Variants in MYO16 observed in about 807,000 individuals in gnomAD.
MYO16 encodes the protein myosin XVI.
MYO16 carries 94 observed loss-of-function variants against 205.3 expected under a neutral mutation model. The observed-to-expected ratio is 0.46, with a 90% CI of 0.39 to 0.54. The LOEUF (loss-of-function observed/expected upper bound fraction) is 0.54, where lower values mean the gene tolerates loss of function less well. MYO16 is among the 20% of genes least tolerant of loss of function. The pLI is 0.00. For synonymous variants in MYO16, 988 were observed against 954.0 expected, an observed-to-expected ratio of 1.04 and a Z score of -0.66; for missense variants, 2,315 against 2,387.5, an observed-to-expected ratio of 0.97 and a Z score of 0.63.
At chr13:108,746,734 C>T (rs377128129) in intron 4 of MYO16, among the ~76,000 whole-genome samples, 362 of 152,020 alleles carry the variant, frequency 2.4e-3, no homozygotes, top group Admixed American at 6.0e-3. Context: ...AATGGCCAAA[C>T]GCTTTCTGAA....
At chr13:109,081,327 C>A (rs1566496736) in intron 27 of MYO16, among the ~76,000 whole-genome samples, 1 of 152,166 alleles carries the variant, frequency 6.6e-6, no homozygotes, top group East Asian at 1.9e-4. Flanking sequence ...CTCTGAAGAC[C>A]TAAAAGCTTG....
intron 11 of MYO16, among the ~76,000 whole-genome samples, chr13:108,858,951 C>G (rs530623768): frequency 6.6e-6 from 1 of 152,240 alleles, no homozygotes; most frequent in East Asian, 1.9e-4. Context: ...AGGGCTTTGC[C>G]TGAGTAATTT....
chr13:108,529,633 A>T, the MYO16 span, among the ~76,000 whole-genome samples: 5 of 152,150 alleles, frequency 3.3e-5, no homozygotes, highest in African/African-American at 1.2e-4. Flanking sequence ...TTCACCTTGA[A>T]CCTGACAGTT....
At chr13:108,866,637 T>C (rs1406018492) in intron 12 of MYO16, among the ~76,000 whole-genome samples, 2 of 152,336 alleles carry the variant, frequency 1.3e-5, no homozygotes, top group South Asian at 2.1e-4. Context: ...AAGGGTAATA[T>C]TGCATGTTTA....
chr13:109,120,243 T>C (rs1875927068), intron 28 of MYO16, 127 bp from the exon 29 acceptor site: 1 of 632,628 alleles, frequency 1.6e-6, no homozygotes, highest in Admixed American at 3.0e-5. Flanking sequence ...ATCAGAGACA[T>C]GTACTCTAAT....
At chr13:109,099,335 A>G (rs567185652) in intron 27 of MYO16, among the ~76,000 whole-genome samples, 8 of 152,370 alleles carry the variant, frequency 5.3e-5, no homozygotes, top group African/African-American at 1.7e-4. Context: ...TTCGCAAAAA[A>G]CATAAAGCAA....
Position 108,961,592 on chromosome 13 carries a change from T to A in MYO16, c.2091T>A (p.Ile697=). 1 of 1,614,160 alleles carries A rather than the reference T, an allele frequency of 6.2e-7. No homozygotes were observed. The highest frequency in any genetic ancestry group is 8.5e-7 in the Non-Finnish European group (1 of 1,179,998). Residue 697 remains isoleucine (I), a synonymous_variant, in exon 18 of 35, where the codon ATT becomes ATA. Transcript: ENST00000457511. ...ILAAILHLGD[I]RFTALNEGNS... is the part of the protein sequence containing the mutation. Reference sequence around the variant, plus strand: ...CAGCAATATTGCACCTTGGAGACATTCGGTTTACTGCCCTGAATGAGGGGA... The same window carrying A: ...CAGCAATATTGCACCTTGGAGACATACGGTTTACTGCCCTGAATGAGGGGA...
chr13:109,085,728 AC>A (rs1171510638), intron 27 of MYO16, among the ~76,000 whole-genome samples: 1 of 152,188 alleles, frequency 6.6e-6, no homozygotes, highest in Admixed American at 6.5e-5. Context: ...AGGAGCACAT[AC>A]GCTTAGTGGG....
At chr13:109,088,137 T>C (rs751781252) in intron 27 of MYO16, among the ~76,000 whole-genome samples, 3 of 152,230 alleles carry the variant, frequency 2.0e-5, no homozygotes, top group African/African-American at 4.8e-5. Context: ...CATCGCAGTC[T>C]GGGTTCTCCA....
intron 16 of MYO16, among the ~76,000 whole-genome samples, chr13:108,931,437 C>T (rs1247078655): frequency 6.6e-6 from 1 of 152,168 alleles, no homozygotes; most frequent in Non-Finnish European, 1.5e-5. Context: ...ATTCTGAAAA[C>T]TCATCTTGAG....
At chr13:108,559,623 G>A in the MYO16 span, among the ~76,000 whole-genome samples, 1 of 151,402 alleles carries the variant, frequency 6.6e-6, no homozygotes, top group East Asian at 1.9e-4. Flanking sequence ...ACAGGCACCC[G>A]CCACCACGCC....
intron 4 of MYO16, among the ~76,000 whole-genome samples, chr13:108,769,577 T>G (rs1401881304): frequency 6.6e-6 from 1 of 152,112 alleles, no homozygotes; most frequent in African/African-American, 2.4e-5. Context: ...TGCAAAAGGT[T>G]TTGAGGTGGG....
chr13:108,944,117 G>A (rs866850760), intron 16 of MYO16, among the ~76,000 whole-genome samples: 2 of 152,104 alleles, frequency 1.3e-5, no homozygotes, highest in Admixed American at 6.6e-5. Context: ...ACTCTGTCTC[G>A]TCTAGATTTC....
chr13:109,023,104 A>G (rs1159977286), intron 23 of MYO16, among the ~76,000 whole-genome samples: 1 of 132,680 alleles, frequency 7.5e-6, no homozygotes, highest in Non-Finnish European at 1.5e-5. Flanking sequence ...ATGTTTATAT[A>G]TTGTATATAC....
chr13:108,744,961 C>T (rs532432737), intron 4 of MYO16, among the ~76,000 whole-genome samples: 1 of 152,210 alleles, frequency 6.6e-6, no homozygotes, highest in East Asian at 1.9e-4. Context: ...TTAATATTAA[C>T]AGTGATTAGA....
chr13:109,164,953 A>G lies in MYO16; in HGVS notation c.5217A>G (p.Glu1739=), dbSNP rs1278315657. Residue 1739 remains glutamate (E), a synonymous_variant, in exon 33 of 35, where the codon GAA becomes GAG. Coordinates refer to ENST00000457511, the MANE Select transcript of MYO16 (RefSeq NM_001198950.3). ...ISSRDDPSTS[E]ITSETQDRNA... ...GCCGAGATGACCCTAGTACGTCAGAAATTACTTCCGAGACTCAAGACAGAA... is the reference window on the plus strand; with the variant it reads ...GCCGAGATGACCCTAGTACGTCAGAGATTACTTCCGAGACTCAAGACAGAA... The G allele has an allele frequency of 8.1e-6, 13 of 1,608,816 alleles. No individual in the cohort carries two copies. The highest frequency in any genetic ancestry group is 1.0e-5 in the Non-Finnish European group (12 of 1,177,348).
At chr13:108,817,052 AT>A (rs1474742925) in intron 7 of MYO16, among the ~76,000 whole-genome samples, 1 of 152,182 alleles carries the variant, frequency 6.6e-6, no homozygotes, top group African/African-American at 2.4e-5. Context: ...CTATGACAAT[AT>A]CAAGTGTTGG....
At chr13:109,122,385 A>G (rs1157328127) in intron 29 of MYO16, among the ~76,000 whole-genome samples, 1 of 152,206 alleles carries the variant, frequency 6.6e-6, no homozygotes, top group South Asian at 2.1e-4. Flanking sequence ...AAAATTAAGA[A>G]TGGTCTTAAA....
chr13:108,567,521 C>A, the MYO16 span, among the ~76,000 whole-genome samples: 1 of 152,052 alleles, frequency 6.6e-6, no homozygotes, highest in Non-Finnish European at 1.5e-5. Flanking sequence ...AGATACATTG[C>A]GATTACCTGA....
Sources: gnomAD v4.1 joint callset for allele counts (sites outside exome capture counted in the v4.1 genomes callset) on GRCh38, gnomAD v4.1.1 for gene constraint, MANE v1.5 for transcripts, NCBI Gene and HGNC (gene_info 2026-07-23, HGNC 2026-07-21) for gene names.